The following CDK6 variants were observed in gnomAD, a reference collection of about 807,000 sequenced individuals.
CDK6 encodes cyclin-dependent kinase 6.
Under a neutral mutation model 37.1 loss-of-function variants are expected in CDK6, and 6 were observed. That is an observed-to-expected ratio of 0.16 (90% CI 0.09 to 0.32). The LOEUF (loss-of-function observed/expected upper bound fraction) is 0.32. Among genes scored for constraint, CDK6 ranks in the 10% least tolerant of loss-of-function variants. The pLI is 1.00. For synonymous variants in CDK6, 160 were observed against 161.3 expected (o/e 0.99, Z 0.06); for missense variants, 224 against 418.9 (o/e 0.53, Z 4.06).
intron 4 of CDK6, among the ~76,000 whole-genome samples, chr7:92,706,875 G>A (rs1343775783): frequency 6.6e-6 from 1 of 152,166 alleles, no homozygotes; most frequent in African/African-American, 2.4e-5. Context: ...AGATACGTGT[G>A]TAGCCTTGGA....
chr7:92,795,783 T>C (rs553141319), intron 2 of CDK6, among the ~76,000 whole-genome samples: 1 of 152,276 alleles, frequency 6.6e-6, no homozygotes, highest in African/African-American at 2.4e-5. Context: ...TTAACCAGTT[T>C]TTCTTGTGTC....
chr7:92,807,228 C>G (rs918564505), intron 2 of CDK6, among the ~76,000 whole-genome samples: 3 of 151,996 alleles, frequency 2.0e-5, no homozygotes, highest in Non-Finnish European at 4.4e-5. Flanking sequence ...TTAATTTGAT[C>G]TCTTCTAATT....
At chr7:92,830,403 C>A (rs1375322096) in intron 2 of CDK6, among the ~76,000 whole-genome samples, 1 of 152,084 alleles carries the variant, frequency 6.6e-6, no homozygotes, top group African/African-American at 2.4e-5. Flanking sequence ...TGGGGGAGGG[C>A]CTATAATTAT....
chr7:92,778,946 T>TATATATATATATATATATATATAGA (rs1479181745), intron 2 of CDK6, among the ~76,000 whole-genome samples: 1 of 135,012 alleles, frequency 7.4e-6, no homozygotes, highest in African/African-American at 3.0e-5. Context: ...TATATATATA[T>TATATATATATATATATATATATAGA]AAGATATTAT....
chr7:92,666,152 G>A (rs1342276258), intron 5 of CDK6, among the ~76,000 whole-genome samples: 2 of 152,120 alleles, frequency 1.3e-5, no homozygotes, highest in East Asian at 3.9e-4. Flanking sequence ...AAACAACTAG[G>A]ATGCGACCTC....
At chr7:92,658,994 G>A (rs1011457536) in intron 5 of CDK6, among the ~76,000 whole-genome samples, 2 of 152,170 alleles carry the variant, frequency 1.3e-5, no homozygotes, top group African/African-American at 4.8e-5. Flanking sequence ...AGGAGAAGAA[G>A]GCCAGGCAGC....
At chr7:92,827,433 C>T (rs1277797387) in intron 2 of CDK6, among the ~76,000 whole-genome samples, 6 of 152,154 alleles carry the variant, frequency 3.9e-5, no homozygotes, top group Non-Finnish European at 8.8e-5. Flanking sequence ...TGTACACTTG[C>T]ATAGATTCCT....
At chr7:92,652,070 T>C (rs1197628377) in intron 5 of CDK6, among the ~76,000 whole-genome samples, 2 of 152,234 alleles carry the variant, frequency 1.3e-5, no homozygotes, top group African/African-American at 4.8e-5. Flanking sequence ...TCATAACGTA[T>C]TGATAGATTG....
At chr7:92,800,675 A>T (rs1800547946) in intron 2 of CDK6, among the ~76,000 whole-genome samples, 1 of 152,202 alleles carries the variant, frequency 6.6e-6, no homozygotes, top group South Asian at 2.1e-4. Flanking sequence ...TTAAACCAAA[A>T]GTCATCTAAG....
At chr7:92,645,873 C>T (rs537275267) in intron 5 of CDK6, among the ~76,000 whole-genome samples, 5 of 152,290 alleles carry the variant, frequency 3.3e-5, no homozygotes, top group South Asian at 4.1e-4. Context: ...GCTCACACCC[C>T]GGCTGTATTT....
chr7:92,783,584 C>A (rs1311998135), intron 2 of CDK6, among the ~76,000 whole-genome samples: 2 of 152,138 alleles, frequency 1.3e-5, no homozygotes, highest in Admixed American at 1.3e-4. Context: ...CTAGTTTCAG[C>A]TTCTATCTAT....
intron 2 of CDK6, among the ~76,000 whole-genome samples, chr7:92,776,760 T>G (rs758081233): frequency 3.3e-5 from 5 of 152,208 alleles, no homozygotes; most frequent in Admixed American, 6.5e-5. Context: ...GATGGGGTTG[T>G]TTTTTTCTTG....
intron 4 of CDK6, among the ~76,000 whole-genome samples, chr7:92,712,436 C>T (rs1003260585): frequency 1.3e-5 from 2 of 152,034 alleles, no homozygotes; most frequent in African/African-American, 2.4e-5. Context: ...GAACTACAAT[C>T]GACTATTGAA....
chr7:92,710,753 G>A, intron 4 of CDK6: 2 of 985,238 alleles, frequency 2.0e-6, no homozygotes, highest in Non-Finnish European at 2.4e-6. Context: ...TGTTTCTACT[G>A]CCATGGAACA....
At chr7:92,808,849 C>T (rs1237759454) in intron 2 of CDK6, among the ~76,000 whole-genome samples, 1 of 152,130 alleles carries the variant, frequency 6.6e-6, no homozygotes, top group Non-Finnish European at 1.5e-5. Context: ...GATTATGTAA[C>T]AAGACTCCAT....
intron 5 of CDK6, among the ~76,000 whole-genome samples, chr7:92,635,066 C>G (rs1191608130): frequency 6.6e-6 from 1 of 152,158 alleles, no homozygotes; most frequent in Non-Finnish European, 1.5e-5. Context: ...AGTAAGTGCT[C>G]AGAGGGATGA....
At chr7:92,712,086 G>A (rs1798107001) in intron 4 of CDK6, among the ~76,000 whole-genome samples, 1 of 151,694 alleles carries the variant, frequency 6.6e-6, no homozygotes. Context: ...TGTGAACCCG[G>A]GAGGCAGAGC....
intron 4 of CDK6, among the ~76,000 whole-genome samples, chr7:92,717,402 G>A (rs1798253409): frequency 7.5e-6 from 1 of 132,886 alleles, no homozygotes; most frequent in Non-Finnish European, 1.6e-5. Context: ...AAGGAAAAAG[G>A]AAGGAAGGAA....
chr7:92,684,126 G>A (rs1797397283), intron 4 of CDK6, among the ~76,000 whole-genome samples: 1 of 152,056 alleles, frequency 6.6e-6, no homozygotes, highest in Non-Finnish European at 1.5e-5. Context: ...GGTGTGAGGC[G>A]AGTATCAACG....
Sources: allele counts gnomAD v4.1 joint callset (sites outside exome capture counted in the v4.1 genomes callset), GRCh38; gene constraint gnomAD v4.1.1; transcripts MANE v1.5; gene names NCBI Gene and HGNC (gene_info 2026-07-23, HGNC 2026-07-21).